SOBP: variants seen among roughly 807,000 people sequenced by gnomAD.
SOBP encodes sine oculis-binding protein homolog.
In SOBP, 4 loss-of-function variants were observed where a neutral mutation model predicts 53.6. The ratio of observed to expected loss-of-function variants is 0.07; its 90% CI spans 0.04 to 0.17. The LOEUF is 0.17. Among genes scored for constraint, SOBP ranks in the 10% least tolerant of loss-of-function variants. SOBP has a pLI of 1.00. For synonymous variants in SOBP, 584 were observed against 522.6 expected, an observed-to-expected ratio of 1.12 and a Z score of -1.60; for missense variants, 1,088 against 1,204.7, an observed-to-expected ratio of 0.90 and a Z score of 1.43.
intron 4 of SOBP, among the ~76,000 whole-genome samples, chr6:107,582,514 G>A (rs1488140369): frequency 6.6e-6 from 1 of 151,082 alleles, no homozygotes; most frequent in African/African-American, 2.4e-5. Flanking sequence ...AGGGAAATCC[G>A]CTTGCAGTTT....
rs1458905220 is a variant in SOBP, at chr6:107,576,399, T to C, written c.574-10681T>C. On this transcript the variant is annotated intron_variant, in intron 4 of 6. Transcript: ENST00000317357. ...CATATTTCTTCCTAAAGAAATCTTATCTTTAAGACAAATTATATTTTGGAC... is the reference window on the plus strand; with the variant it reads ...CATATTTCTTCCTAAAGAAATCTTACCTTTAAGACAAATTATATTTTGGAC... Among the ~76,000 whole-genome samples the C allele has an allele frequency of 5.3e-5, 8 of 152,224 alleles. No homozygotes were observed. The East Asian group carries it at 9.6e-4, about 18-fold the overall frequency.
chr6:107,537,145 G>A (rs988429374), intron 4 of SOBP, among the ~76,000 whole-genome samples: 2 of 152,148 alleles, frequency 1.3e-5, no homozygotes, highest in African/African-American at 4.8e-5. Context: ...AGTCCAACTT[G>A]CTAACACCAG....
intron 5 of SOBP, among the ~76,000 whole-genome samples, chr6:107,630,392 TAAAG>T (rs1770653480): frequency 6.6e-6 from 1 of 152,184 alleles, no homozygotes; most frequent in African/African-American, 2.4e-5. Flanking sequence ...GTTGTTTTAT[TAAAG>T]AGAGAGGGAT....
At chr6:107,570,243 C>T (rs760462896) in intron 4 of SOBP, among the ~76,000 whole-genome samples, 6 of 152,102 alleles carry the variant, frequency 3.9e-5, no homozygotes, top group South Asian at 2.1e-4. Flanking sequence ...GTAAATCTTC[C>T]GGTGGAACAT....
At position 107,503,801 on chromosome 6, in the gene SOBP, G is replaced by A. The variant is rs1379389832; in HGVS notation, c.235+6G>A. The stretch of plus-strand genomic sequence containing the variant: ...GCACATTTCTGTTCTCAAAGGTAAT[G>A]ACATTTAATGTCCTTTTGTTCATGC... On this transcript the variant is annotated splice_donor_region_variant and intron_variant, in intron 2 of 6. Coordinates refer to ENST00000317357, the MANE Select transcript of SOBP (RefSeq NM_018013.4). 1.2e-6 allele frequency: 2 copies of A among 1,613,648 alleles called. No homozygotes were observed. Among genetic ancestry groups the A allele is most frequent in the African/African-American group, 2.7e-5 (2 of 74,920 alleles).
At position 107,635,364 on chromosome 6, in the gene SOBP, G is replaced by T; in HGVS notation, c.2520G>T (p.Met840Ile). 1 of 1,613,564 alleles carries T rather than the reference G, an allele frequency of 6.2e-7. No individual in the cohort carries two copies. The highest frequency in any genetic ancestry group is 8.5e-7 in the Non-Finnish European group (1 of 1,180,028). The change falls in exon 6 of 7, where the codon ATG (methionine) becomes ATT (isoleucine). Residue 840 changes from methionine to isoleucine, a missense_variant. Transcript: ENST00000317357. This position sits in a 1 kb window ranked among gnomAD's most constrained non-coding sequence, Gnocchi z 4.5. ...CAAAACCCGCGGAGAAGGCTGCCAT[G>T]GCACCGTGCATCATCTCCTCGCCCA... ...PVPKPAEKAA[M>I]APCIISSPML...
chr6:107,526,324 C>G (rs191414798), intron 3 of SOBP, among the ~76,000 whole-genome samples: 20 of 152,222 alleles, frequency 1.3e-4, no homozygotes, highest in South Asian at 8.3e-4. Context: ...ATTCCCTCCC[C>G]CTATGCCAAA....
intron 3 of SOBP, among the ~76,000 whole-genome samples, chr6:107,518,646 C>G (rs1783391811): frequency 6.6e-6 from 1 of 152,060 alleles, no homozygotes; most frequent in Non-Finnish European, 1.5e-5. Context: ...CAATCATTAA[C>G]ATACACTTGG....
At chr6:107,643,745 C>A (rs1192626066) in intron 6 of SOBP, among the ~76,000 whole-genome samples, 1 of 151,926 alleles carries the variant, frequency 6.6e-6, no homozygotes, top group Non-Finnish European at 1.5e-5. Flanking sequence ...AAGTAATTTA[C>A]CCAAAAGCTT....
chr6:107,505,638 T>C (rs1319572675), intron 2 of SOBP, among the ~76,000 whole-genome samples: 2 of 151,478 alleles, frequency 1.3e-5, no homozygotes, highest in Non-Finnish European at 2.9e-5. Flanking sequence ...TCAGTTTTGT[T>C]TTGTTTTGTT....
chr6:107,558,307 C>CGA (rs960896511), intron 4 of SOBP: 2 of 151,486 alleles, frequency 1.3e-5, no homozygotes, highest in African/African-American at 4.9e-5. Context: ...CTTGCTCTGT[C>CGA]ACCCAGGCTG....
intron 4 of SOBP, among the ~76,000 whole-genome samples, chr6:107,585,071 A>G (rs1312807496): frequency 6.6e-6 from 1 of 152,200 alleles, no homozygotes; most frequent in Non-Finnish European, 1.5e-5. Flanking sequence ...GTGCATCAGG[A>G]ATATAATAAA....
At chr6:107,601,379 C>G (rs2818260) in intron 5 of SOBP, among the ~76,000 whole-genome samples, 41,644 of 152,080 alleles carry the variant, frequency 0.27, 7,017 homozygotes, top group East Asian at 0.58. Context: ...CCAATTTGCT[C>G]TCAACTCCGC....
At chr6:107,534,979 C>G (rs1344914132) in intron 4 of SOBP, among the ~76,000 whole-genome samples, 2 of 152,132 alleles carry the variant, frequency 1.3e-5, no homozygotes, top group Non-Finnish European at 2.9e-5. Flanking sequence ...CAGGAGTGGG[C>G]CCAGTGCTTT....
intron 1 of SOBP, among the ~76,000 whole-genome samples, chr6:107,496,844 G>A (rs1009213301): frequency 6.6e-6 from 1 of 152,140 alleles, no homozygotes; most frequent in African/African-American, 2.4e-5. Flanking sequence ...AATCTGCAAA[G>A]GGCTCTTCAA....
Position 107,634,449 on chromosome 6 carries a change from GC to G in SOBP, c.1608del (p.Ile537SerfsTer70). ...ACCCCGTGATCGTGCCCCTACCGGT[GC>G]CCATCCCCATCCCCATCCCTATCCC... ...PYPVIVPLPV[P>X]IPIPIPIPHV... On this transcript the variant is annotated frameshift_variant, in exon 6 of 7. Transcript: ENST00000317357. LOFTEE classifies it high-confidence loss of function. The surrounding 1 kb of genome is among the most constrained non-coding windows in gnomAD (Gnocchi z 4.5). 1 of 1,609,572 alleles carries G rather than the reference GC, an allele frequency of 6.2e-7. No homozygotes were observed.
At chr6:107,582,461 G>A (rs1290627927) in intron 4 of SOBP, among the ~76,000 whole-genome samples, 2 of 151,752 alleles carry the variant, frequency 1.3e-5, no homozygotes, top group African/African-American at 4.8e-5. Flanking sequence ...TTATCTAAAT[G>A]TTAGGCACAA....
intron 5 of SOBP, among the ~76,000 whole-genome samples, chr6:107,602,984 A>T (rs955795259): frequency 6.8e-6 from 1 of 146,994 alleles, no homozygotes; most frequent in East Asian, 2.1e-4. Flanking sequence ...AAAAAAAAAA[A>T]CCCTGCTTCC....
intron 5 of SOBP, among the ~76,000 whole-genome samples, chr6:107,609,004 G>A (rs991848484): frequency 6.6e-6 from 1 of 152,182 alleles, no homozygotes; most frequent in African/African-American, 2.4e-5. Context: ...AATCTAGGGA[G>A]TGTCATCAAA....
Sources: gnomAD v4.1 joint callset for allele counts (sites outside exome capture counted in the v4.1 genomes callset) on GRCh38, gnomAD v4.1.1 for gene constraint, Gnocchi (gnomAD v3.1) non-coding constraint, MANE v1.5 for transcripts, NCBI Gene and HGNC (gene_info 2026-07-23, HGNC 2026-07-21) for gene names.